PLA2G2C: variants seen among roughly 807,000 people sequenced by gnomAD.
The protein encoded by PLA2G2C is putative inactive group IIC secretory phospholipase A2.
Under a neutral mutation model 14.3 loss-of-function variants are expected in PLA2G2C, and 15 were observed. That is an observed-to-expected ratio of 1.05 (90% CI 0.70 to 1.62). The LOEUF is 1.62. Among genes scored for constraint, PLA2G2C ranks in the 40% most tolerant of loss-of-function variants. The pLI is 0.00. For missense variants in PLA2G2C, 162 were observed against 173.2 expected, an observed-to-expected ratio of 0.94 and a Z score of 0.36; for synonymous variants, 79 against 67.7, an observed-to-expected ratio of 1.17 and a Z score of -0.82.
intron 1 of PLA2G2C, among the ~76,000 whole-genome samples, chr1:20,178,686 G>A (rs544578753): frequency 1.3e-5 from 2 of 152,338 alleles, no homozygotes; most frequent in South Asian, 4.1e-4. Flanking sequence ...TCTTTTGAAT[G>A]AGCAGGTGAT....
At chr1:20,172,929 G>A in intron 3 of PLA2G2C, 32 bp from the exon 4 acceptor site, 8 of 1,557,336 alleles carry the variant, frequency 5.1e-6, no homozygotes, top group Non-Finnish European at 7.1e-6. Context: ...ATCTGCTGGA[G>A]GACCTTATCT....
Position 20,177,318 on chromosome 1 carries a change from A to G in PLA2G2C, c.40+6T>C. 1.4e-6 allele frequency: 1 copy of G among 700,844 alleles called. No homozygotes were observed. The highest frequency in any genetic ancestry group is 2.7e-5 in the East Asian group (1 of 37,256). The allele number at this position is 700,844 out of a possible 1,614,324, so 43.4% of individuals were successfully genotyped here. On this transcript the variant is annotated splice_donor_region_variant and intron_variant, in intron 2 of 4. Transcript: ENST00000679259. ...TTGGTGCTGACCCACCAAGCTCTCT[A>G]CTTACAGCAGAAGAGGAGGAGGGTG...
intron 2 of PLA2G2C, among the ~76,000 whole-genome samples, chr1:20,176,921 A>G (rs909578738): frequency 6.6e-6 from 1 of 152,248 alleles, no homozygotes; most frequent in Admixed American, 6.5e-5. Flanking sequence ...AAGTCACCAT[A>G]AAAATGTCTT....
At chr1:20,165,051 C>T (rs1267164322) in intron 4 of PLA2G2C, among the ~76,000 whole-genome samples, 2 of 152,228 alleles carry the variant, frequency 1.3e-5, no homozygotes, top group Non-Finnish European at 2.9e-5. Flanking sequence ...CCGTGGCCTC[C>T]GTGGCCAGGC....
intron 3 of PLA2G2C, 59 bp from the exon 4 acceptor site, chr1:20,172,956 T>C (rs2018115055): frequency 7.9e-7 from 1 of 1,270,036 alleles, no homozygotes; most frequent in African/African-American, 1.5e-5. Flanking sequence ...TAGAAAGGGC[T>C]CACCTGCCTC....
At position 20,172,837 on chromosome 1, in the gene PLA2G2C, C is replaced by G; in HGVS notation, c.240G>C (p.Val80=). ...EKLKEFSCQP[V]LNSYQFHIVN... is the part of the protein sequence containing the mutation. ...CGATGTGGAACTGGTAGCTGTTCAA[C>G]ACAGGCTGGCAGCTGAACTCCTTCA... Residue 80 remains valine, a synonymous_variant, in exon 4 of 5, where the codon GTG becomes GTC. Transcript: ENST00000679259. 4 of 1,613,936 alleles carry G rather than the reference C, an allele frequency of 2.5e-6. No individual in the cohort carries two copies. Among genetic ancestry groups the G allele is most frequent in the Non-Finnish European group, 3.4e-6 (4 of 1,179,862 alleles).
intron 2 of PLA2G2C, among the ~76,000 whole-genome samples, chr1:20,176,713 G>A (rs1488543830): frequency 6.6e-6 from 1 of 152,200 alleles, no homozygotes; most frequent in Non-Finnish European, 1.5e-5. Context: ...TTGACTTAGG[G>A]ACTCAAAAGT....
intron 4 of PLA2G2C, among the ~76,000 whole-genome samples, chr1:20,169,166 A>C (rs1162830690): frequency 6.6e-6 from 1 of 152,168 alleles, no homozygotes; most frequent in Non-Finnish European, 1.5e-5. Flanking sequence ...GGATAGGGAA[A>C]TAGGTTTTTC....
chr1:20,163,909 T>G lies in PLA2G2C; in HGVS notation c.*82A>C. ...CCCTCCCAGTGGAAGAACAGGGGCCTGTTGGGGATGATCTGAGAAGGCTTC... is the reference window on the plus strand; with the variant it reads ...CCCTCCCAGTGGAAGAACAGGGGCCGGTTGGGGATGATCTGAGAAGGCTTC... On this transcript the variant is annotated 3_prime_UTR_variant, in exon 5 of 5. Coordinates refer to ENST00000679259, the MANE Select transcript of PLA2G2C (RefSeq NM_001367969.2). The G allele has an allele frequency of 7.0e-7, 1 of 1,424,964 alleles. No homozygotes were observed. Among genetic ancestry groups the G allele is most frequent in the East Asian group, 2.5e-5 (1 of 40,140 alleles). The allele number at this position is 1,424,964 out of a possible 1,614,324, so 88.3% of individuals were successfully genotyped here. A position where few individuals can be genotyped will look rare whatever the true frequency, so the allele number is the denominator to read the frequency against.
chr1:20,175,161 A>AG lies in PLA2G2C; in HGVS notation c.41-17dup, dbSNP rs770825958. 6.2e-7 allele frequency: 1 copy of AG among 1,613,916 alleles called. No homozygotes were observed. The highest frequency in any genetic ancestry group is 1.7e-5 in the Admixed American group (1 of 60,020). The stretch of plus-strand genomic sequence containing the variant: ...TGGGTGGGGGCTGCCACCACCGATG[A>AG]GAAAAAAAGGAAGAAGGAAGTTGCA... On this transcript the variant is annotated splice_polypyrimidine_tract_variant and intron_variant, in intron 2 of 4. Transcript: ENST00000679259.
At position 20,185,024 on chromosome 1, in the gene PLA2G2C, C is replaced by T. The variant is rs571025522; in HGVS notation, c.-77+1336G>A. 2.5e-4 allele frequency among the ~76,000 whole-genome samples: 38 copies of T among 152,278 alleles called. No homozygotes were observed. In the South Asian group the frequency reaches 7.7e-3, roughly 31 times the overall value. The stretch of plus-strand genomic sequence containing the variant: ...TAAAAATTAGCCAAGCATGGTGGTG[C>T]ACGCCTGTAGTCCCAGCTACAAGGG... On this transcript the variant is annotated intron_variant, in intron 1 of 4. Coordinates refer to ENST00000679259, the MANE Select transcript of PLA2G2C (RefSeq NM_001367969.2).
intron 2 of PLA2G2C, among the ~76,000 whole-genome samples, chr1:20,176,207 C>G (rs924291290): frequency 1.3e-5 from 2 of 152,116 alleles, no homozygotes; most frequent in African/African-American, 4.8e-5. Context: ...TCATGAACAA[C>G]CGCGCCCGGC....
intron 1 of PLA2G2C, among the ~76,000 whole-genome samples, chr1:20,185,388 C>T (rs980232475): frequency 6.6e-6 from 1 of 152,054 alleles, no homozygotes; most frequent in Non-Finnish European, 1.5e-5. Flanking sequence ...GGTAATGGGC[C>T]AGGATAGGGA....
chr1:20,165,020 G>A (rs1448708186), intron 4 of PLA2G2C, among the ~76,000 whole-genome samples: 1 of 152,204 alleles, frequency 6.6e-6, no homozygotes, highest in Admixed American at 6.5e-5. Flanking sequence ...TTCCTATTCG[G>A]GAAAGACATG....
At chr1:20,176,643 C>A (rs1240127936) in intron 2 of PLA2G2C, among the ~76,000 whole-genome samples, 1 of 152,198 alleles carries the variant, frequency 6.6e-6, no homozygotes, top group Non-Finnish European at 1.5e-5. Context: ...TGCACTATCA[C>A]CTTGCAAAGT....
chr1:20,182,275 T>C (rs1386616001), intron 1 of PLA2G2C, among the ~76,000 whole-genome samples: 2 of 152,252 alleles, frequency 1.3e-5, no homozygotes, highest in Non-Finnish European at 2.9e-5. Flanking sequence ...CTGCGCTATA[T>C]AGGCATACCA....
At chr1:20,174,724 C>T (rs958591561) in intron 3 of PLA2G2C, among the ~76,000 whole-genome samples, 11 of 152,150 alleles carry the variant, frequency 7.2e-5, no homozygotes, top group Admixed American at 1.3e-4. Context: ...CTTATGAGTG[C>T]CAGGCCCTGT....
chr1:20,181,622 T>C (rs962290117), intron 1 of PLA2G2C, among the ~76,000 whole-genome samples: 5 of 150,880 alleles, frequency 3.3e-5, no homozygotes, highest in African/African-American at 1.2e-4. Context: ...TCTTAGACTC[T>C]TGTTTTAGAT....
rs952393599 is a variant in PLA2G2C at position 20,163,662 on chromosome 1, C to A, written c.*329G>T. On this transcript the variant is annotated 3_prime_UTR_variant, in exon 5 of 5. Coordinates refer to ENST00000679259, the MANE Select transcript of PLA2G2C (RefSeq NM_001367969.2). ...GGTTGGGTGCATCTCTATCCCGTCCCTTTGTTTTACTGCATCATAGCACTT... is the reference window on the plus strand; with the variant it reads ...GGTTGGGTGCATCTCTATCCCGTCCATTTGTTTTACTGCATCATAGCACTT... The A allele has an allele frequency of 3.4e-5, 7 of 208,770 alleles. No individual in the cohort carries two copies. The highest frequency in any genetic ancestry group is 4.7e-5 in the African/African-American group (2 of 42,942). The allele number at this position is 208,770 out of a possible 1,614,324, so 12.9% of individuals were successfully genotyped here. A position where few individuals can be genotyped will look rare whatever the true frequency, so the allele number is the denominator to read the frequency against.
Sources: gnomAD v4.1 joint callset for allele counts (sites outside exome capture counted in the v4.1 genomes callset) on GRCh38, gnomAD v4.1.1 for gene constraint, MANE v1.5 for transcripts, NCBI Gene and HGNC (gene_info 2026-07-23, HGNC 2026-07-21) for gene names.